The following KLHL29 variants were observed in gnomAD, a reference collection of about 807,000 sequenced individuals.
KLHL29 encodes the protein kelch-like protein 29.
KLHL29 carries 21 observed loss-of-function variants against 80.4 expected under a neutral mutation model. The observed-to-expected ratio is 0.26, with a 90% CI of 0.19 to 0.38. The LOEUF is 0.38. Ranked by LOEUF, KLHL29 falls within the 10% of genes least tolerant of loss-of-function variation. The probability of loss-of-function intolerance (pLI) is 1.00; values close to 1 mark genes in which losing one functional copy is unlikely to be tolerated. For synonymous variants in KLHL29, 511 were observed against 526.8 expected (o/e 0.97, Z 0.41); for missense variants, 867 against 1,223.9 (o/e 0.71, Z 4.35).
intron 5 of KLHL29, among the ~76,000 whole-genome samples, chr2:23,662,343 G>A (rs772244174): frequency 4.5e-4 from 69 of 152,272 alleles, no homozygotes; most frequent in Non-Finnish European, 7.1e-4. Flanking sequence ...CTTTTTGATG[G>A]ATCTTTGCTC....
chr2:23,520,197 TAGAA>T (rs1666049505), intron 2 of KLHL29, among the ~76,000 whole-genome samples: 1 of 152,058 alleles, frequency 6.6e-6, no homozygotes, highest in Non-Finnish European at 1.5e-5. Context: ...CTCTGCTAAA[TAGAA>T]AGCAGCCCAG....
intron 3 of KLHL29, among the ~76,000 whole-genome samples, chr2:23,593,574 C>G (rs1314977343): frequency 1.3e-5 from 2 of 152,180 alleles, no homozygotes; most frequent in Admixed American, 6.5e-5. Flanking sequence ...GTTCCTCTCA[C>G]CACTCCTTTG....
Position 23,642,835 on chromosome 2 carries a change from C to T in KLHL29, c.925C>T (p.Pro309Ser), listed in dbSNP as rs1246780484. The T allele has an allele frequency of 6.4e-7, 1 of 1,550,422 alleles. No individual in the cohort carries two copies. The highest frequency in any genetic ancestry group is 8.7e-7 in the Non-Finnish European group (1 of 1,146,878). ...IGVGKYEFTD[P>S]GHPREMLKEL... Reference sequence around the variant, plus strand: ...CGTGGGGAAGTATGAGTTCACCGACCCGGGGCACCCCAGAGGTAAGTCCTG... The same window carrying T: ...CGTGGGGAAGTATGAGTTCACCGACTCGGGGCACCCCAGAGGTAAGTCCTG... The change falls in exon 5 of 14, where the codon CCG (proline) becomes TCG (serine). Residue 309 changes from proline to serine, a missense_variant. Pro to Ser is a moderately conservative substitution (Grantham distance 74). Around this residue, in one of 2 missense-constraint regions of KLHL29, gnomAD observed 424 missense variants for 456.9 expected, o/e 0.93. Transcript: ENST00000486442.
At chr2:23,540,562 A>G (rs1430070900) in intron 2 of KLHL29, among the ~76,000 whole-genome samples, 1 of 152,252 alleles carries the variant, frequency 6.6e-6, no homozygotes, top group Non-Finnish European at 1.5e-5. Flanking sequence ...CATCTTCAGT[A>G]GCGCAGAACT....
chr2:23,499,541 G>A (rs952629329), intron 2 of KLHL29, among the ~76,000 whole-genome samples: 3 of 152,172 alleles, frequency 2.0e-5, no homozygotes, highest in Admixed American at 6.5e-5. Context: ...TGGAGTAATC[G>A]GAATCACCGT....
chr2:23,573,898 G>T (rs1667779196), intron 3 of KLHL29, among the ~76,000 whole-genome samples: 4 of 152,178 alleles, frequency 2.6e-5, no homozygotes, highest in South Asian at 4.1e-4. Flanking sequence ...TCCAGCCCCC[G>T]CTTTCAGAGG....
intron 3 of KLHL29, among the ~76,000 whole-genome samples, chr2:23,591,064 G>A (rs971458687): frequency 1.3e-5 from 2 of 152,174 alleles, no homozygotes; most frequent in African/African-American, 4.8e-5. Flanking sequence ...AAAGAAGTCC[G>A]AGAGCGCCAG....
intron 2 of KLHL29, among the ~76,000 whole-genome samples, chr2:23,523,047 G>A (rs140197148): frequency 6.6e-6 from 1 of 152,076 alleles, no homozygotes; most frequent in Non-Finnish European, 1.5e-5. Flanking sequence ...CGGGCATTTA[G>A]TGGGGAGGGG....
chr2:23,468,158 G>C (rs1426176209), intron 1 of KLHL29, among the ~76,000 whole-genome samples: 1 of 152,152 alleles, frequency 6.6e-6, no homozygotes, highest in African/African-American at 2.4e-5. Context: ...TAGAAGAGGA[G>C]CTTGAGGCAG....
At chr2:23,397,953 A>C (rs1418817306) in intron 1 of KLHL29, among the ~76,000 whole-genome samples, 6 of 151,818 alleles carry the variant, frequency 4.0e-5, no homozygotes, top group African/African-American at 1.4e-4. Flanking sequence ...CAACAACAGA[A>C]AATAACAAGT....
intron 1 of KLHL29, among the ~76,000 whole-genome samples, chr2:23,393,267 A>G (rs1008507818): frequency 8.5e-5 from 13 of 152,186 alleles, no homozygotes; most frequent in African/African-American, 2.9e-4. Context: ...TCACATGTTC[A>G]TGGTTTGTCA....
intron 1 of KLHL29, among the ~76,000 whole-genome samples, chr2:23,396,833 T>A (rs1449592846): frequency 1.3e-5 from 2 of 152,224 alleles, no homozygotes; most frequent in Admixed American, 1.3e-4. Context: ...TGGCTTCATA[T>A]GATGTGGGGA....
At position 23,457,468 on chromosome 2, in the gene KLHL29, C is replaced by T. The variant is rs904783034; in HGVS notation, c.-153-18092C>T. On this transcript the variant is annotated intron_variant, in intron 1 of 13. Coordinates refer to ENST00000486442, the MANE Select transcript of KLHL29 (RefSeq NM_052920.2). This position sits in a 1 kb window ranked among gnomAD's most constrained non-coding sequence, Gnocchi z 4.3. ...CTGGGGCCCTTCCCCTCCAGGACCC[C>T]TGCGGTGTGAGTGCTACTCCTTTGG... is the stretch of plus-strand genomic sequence containing the variant. Among the ~76,000 whole-genome samples, 2 of 152,194 alleles carry T rather than the reference C, an allele frequency of 1.3e-5. No homozygotes were observed. The highest frequency in any genetic ancestry group is 2.4e-5 in the African/African-American group (1 of 41,444).
intron 3 of KLHL29, among the ~76,000 whole-genome samples, chr2:23,600,479 C>T (rs1366752322): frequency 1.3e-5 from 2 of 152,212 alleles, no homozygotes; most frequent in African/African-American, 4.8e-5. Flanking sequence ...TGGGTGTTCG[C>T]AGCTCCCATC....
chr2:23,574,261 C>G (rs990720938), intron 3 of KLHL29, among the ~76,000 whole-genome samples: 1 of 152,016 alleles, frequency 6.6e-6, no homozygotes, highest in African/African-American at 2.4e-5. Context: ...AAGGAGAGAC[C>G]CTATTTGAGG....
At chr2:23,558,451 G>T (rs1268011232) in intron 2 of KLHL29, among the ~76,000 whole-genome samples, 3 of 142,740 alleles carry the variant, frequency 2.1e-5, no homozygotes, top group African/African-American at 2.6e-5. Context: ...ACCCAGGCTG[G>T]CGTGCAGTGG....
chr2:23,479,608 C>T (rs1664731344), intron 2 of KLHL29, among the ~76,000 whole-genome samples: 1 of 152,170 alleles, frequency 6.6e-6, no homozygotes, highest in African/African-American at 2.4e-5. Context: ...GCACCTCTGT[C>T]CTAAGGTCCG....
chr2:23,433,262 T>G (rs901734890), intron 1 of KLHL29, among the ~76,000 whole-genome samples: 1 of 152,234 alleles, frequency 6.6e-6, no homozygotes, highest in African/African-American at 2.4e-5. Flanking sequence ...CCAGAACATG[T>G]GTTGAAATCC....
intron 1 of KLHL29, among the ~76,000 whole-genome samples, chr2:23,469,048 C>G (rs1400559422): frequency 6.6e-6 from 1 of 152,204 alleles, no homozygotes; most frequent in Non-Finnish European, 1.5e-5. Flanking sequence ...TCGCCTATTT[C>G]TTTGCCTGTT....
Sources: allele counts gnomAD v4.1 joint callset (sites outside exome capture counted in the v4.1 genomes callset), GRCh38; gene constraint gnomAD v4.1.1; regional missense constraint gnomAD v4.1.1; non-coding constraint Gnocchi (gnomAD v3.1); transcripts MANE v1.5; gene names NCBI Gene and HGNC (gene_info 2026-07-23, HGNC 2026-07-21).